RUNX1: variants seen among roughly 807,000 people sequenced by gnomAD.
RUNX1 encodes the protein RUNX family transcription factor 1.
In RUNX1, 19 loss-of-function variants were observed where a neutral mutation model predicts 42.8. The ratio of observed to expected loss-of-function variants is 0.44; its 90% CI spans 0.31 to 0.65. The LOEUF is 0.65. Among genes scored for constraint, RUNX1 ranks in the 30% least tolerant of loss-of-function variants. RUNX1 has a pLI of 0.07. For synonymous variants in RUNX1, 271 were observed against 289.4 expected (o/e 0.94, Z 0.64); for missense variants, 528 against 672.0 (o/e 0.79, Z 2.37).
rs2058177142 is a variant in RUNX1, at chr21:34,901,471, C to G, written c.59-8508G>C. Among the ~76,000 whole-genome samples the G allele has an allele frequency of 6.6e-6, 1 of 152,040 alleles. No homozygotes were observed. Among genetic ancestry groups the G allele is most frequent in the African/African-American group, 2.4e-5 (1 of 41,366 alleles). On this transcript the variant is annotated intron_variant, in intron 2 of 8. Coordinates refer to ENST00000675419, the MANE Select transcript of RUNX1 (RefSeq NM_001754.5). This position sits in a 1 kb window ranked among gnomAD's most constrained non-coding sequence, Gnocchi z 4.3. Reference sequence around the variant, plus strand: ...GAGGTTGCAGTGAGCTGAGATGGCACCACTGCACTCCAACCTGGGGGACAG... The same window carrying G: ...GAGGTTGCAGTGAGCTGAGATGGCAGCACTGCACTCCAACCTGGGGGACAG...
chr21:35,029,618 C>G (rs2059259675), intron 2 of RUNX1, among the ~76,000 whole-genome samples: 1 of 152,194 alleles, frequency 6.6e-6, no homozygotes, highest in Admixed American at 6.5e-5. Context: ...GCCTCAGGCA[C>G]CTTCACTACC....
At chr21:34,831,717 G>A (rs1048982017) in intron 7 of RUNX1, among the ~76,000 whole-genome samples, 6 of 152,160 alleles carry the variant, frequency 3.9e-5, no homozygotes, top group African/African-American at 1.2e-4. Flanking sequence ...AAGTATCTTC[G>A]TAAATATAAC....
intron 2 of RUNX1, among the ~76,000 whole-genome samples, chr21:35,031,252 G>A (rs2059270940): frequency 6.6e-6 from 1 of 152,200 alleles, no homozygotes. Flanking sequence ...GGAGGCTGAG[G>A]CAAGAGAATT....
At chr21:34,892,994 T>C (rs775336883) in intron 2 of RUNX1, 31 bp from the exon 3 acceptor site, 5 of 1,451,534 alleles carry the variant, frequency 3.4e-6, no homozygotes, top group African/African-American at 1.4e-5. Context: ...AAAATAAAAG[T>C]AATGCAAGTT....
intron 2 of RUNX1, among the ~76,000 whole-genome samples, chr21:34,904,374 A>G (rs1472450892): frequency 6.6e-6 from 1 of 152,180 alleles, no homozygotes; most frequent in East Asian, 1.9e-4. Flanking sequence ...ATTTATATTT[A>G]TACGTGCAAT....
chr21:34,930,257 CGTGT>C (rs1035351078), intron 2 of RUNX1, among the ~76,000 whole-genome samples: 1 of 85,014 alleles, frequency 1.2e-5, no homozygotes, highest in Non-Finnish European at 2.1e-5. Context: ...GTATATTATA[CGTGT>C]GTGTGTATGT....
intron 2 of RUNX1, among the ~76,000 whole-genome samples, chr21:34,952,118 T>C (rs8134396): frequency 6.6e-6 from 1 of 152,024 alleles, no homozygotes; most frequent in African/African-American, 2.4e-5. Flanking sequence ...CAGCAAACTA[T>C]CACAAGGACA....
intron 2 of RUNX1, among the ~76,000 whole-genome samples, chr21:34,999,019 T>C (rs1212602150): frequency 2.0e-5 from 3 of 152,234 alleles, no homozygotes; most frequent in Non-Finnish European, 4.4e-5. Flanking sequence ...GACAGGCACA[T>C]GGCAATAAGG....
chr21:34,902,558 A>G (rs1038486507), intron 2 of RUNX1, among the ~76,000 whole-genome samples: 3 of 152,224 alleles, frequency 2.0e-5, no homozygotes, highest in Non-Finnish European at 4.4e-5. Flanking sequence ...TATTATCTTC[A>G]AATGATAGCT....
intron 5 of RUNX1, among the ~76,000 whole-genome samples, chr21:34,873,926 T>A (rs989033803): frequency 6.6e-6 from 1 of 152,248 alleles, no homozygotes; most frequent in South Asian, 2.1e-4. Flanking sequence ...TCTGTCCCCA[T>A]GCCCCGCCAG....
chr21:34,855,417 ACT>A (rs1391885745), intron 6 of RUNX1, among the ~76,000 whole-genome samples: 4 of 152,090 alleles, frequency 2.6e-5, no homozygotes, highest in African/African-American at 9.7e-5. Context: ...TAAAAAAACA[ACT>A]CTCAGCCATT....
intron 2 of RUNX1, among the ~76,000 whole-genome samples, chr21:34,968,976 G>GTTCTGCC (rs2058740779): frequency 6.6e-6 from 1 of 152,138 alleles, no homozygotes; most frequent in African/African-American, 2.4e-5. Flanking sequence ...AGAAGGAAGA[G>GTTCTGCC]TTCTGCCTCC....
At chr21:34,930,456 G>T (rs1270993392) in intron 2 of RUNX1, among the ~76,000 whole-genome samples, 1 of 151,674 alleles carries the variant, frequency 6.6e-6, no homozygotes, top group African/African-American at 2.4e-5. Flanking sequence ...AGGACTCTGA[G>T]ACCACAACTG....
At chr21:34,810,776 C>T (rs2056748302) in intron 7 of RUNX1, among the ~76,000 whole-genome samples, 1 of 152,186 alleles carries the variant, frequency 6.6e-6, no homozygotes, top group Admixed American at 6.5e-5. Context: ...AAACAGTCTT[C>T]TCTCCCCTGC....
chr21:34,802,797 G>T (rs2056626569), intron 7 of RUNX1, among the ~76,000 whole-genome samples: 1 of 152,184 alleles, frequency 6.6e-6, no homozygotes, highest in Non-Finnish European at 1.5e-5. Context: ...ACAAATTTCA[G>T]TTTGCATCCT....
chr21:34,991,772 AT>A (rs1456938295), intron 2 of RUNX1, among the ~76,000 whole-genome samples: 1 of 152,122 alleles, frequency 6.6e-6, no homozygotes, highest in Admixed American at 6.5e-5. Context: ...CCTTATTTGG[AT>A]ATAGCGTTTT....
intron 7 of RUNX1, among the ~76,000 whole-genome samples, chr21:34,804,856 C>T (rs529196992): frequency 1.4e-4 from 21 of 152,052 alleles, no homozygotes; most frequent in Admixed American, 9.8e-4. Context: ...GATTCTCCTC[C>T]TCAGCCTCCC....
At chr21:34,980,086 T>C (rs2058835923) in intron 2 of RUNX1, among the ~76,000 whole-genome samples, 1 of 152,282 alleles carries the variant, frequency 6.6e-6, no homozygotes, top group South Asian at 2.1e-4. Flanking sequence ...TATGTATAAG[T>C]ACCTGGCTTG....
chr21:34,885,463 C>T (rs1471055439), intron 4 of RUNX1, among the ~76,000 whole-genome samples: 2 of 152,170 alleles, frequency 1.3e-5, no homozygotes, highest in East Asian at 3.9e-4. Flanking sequence ...CGTTCCTTCT[C>T]CTCATTTCCA....
Sources: allele counts gnomAD v4.1 joint callset (sites outside exome capture counted in the v4.1 genomes callset), GRCh38; gene constraint gnomAD v4.1.1; non-coding constraint Gnocchi (gnomAD v3.1); transcripts MANE v1.5; gene names NCBI Gene and HGNC (gene_info 2026-07-23, HGNC 2026-07-21).